Variants in RBFOX1 observed in about 807,000 individuals in gnomAD.
RBFOX1 encodes RNA binding protein fox-1 homolog 1.
In RBFOX1, 8 loss-of-function variants were observed where a neutral mutation model predicts 57.7. That is an observed-to-expected ratio of 0.14 (90% CI 0.08 to 0.25). RBFOX1 has a LOEUF of 0.25. RBFOX1 is among the 10% of genes least tolerant of loss of function. The pLI is 1.00. For missense variants in RBFOX1, 611 were observed against 548.5 expected (o/e 1.11, Z -1.14); for synonymous variants, 326 against 222.4 (o/e 1.47, Z -4.15).
At chr16:5,929,336 C>T (rs2059000639) in intron 4 of RBFOX1, among the ~76,000 whole-genome samples, 2 of 151,962 alleles carry the variant, frequency 1.3e-5, no homozygotes, top group South Asian at 4.2e-4. Context: ...CTCTCTCTCT[C>T]TTTCTCTGCC....
chr16:5,835,705 C>T (rs1418273562), intron 3 of RBFOX1, among the ~76,000 whole-genome samples: 1 of 152,244 alleles, frequency 6.6e-6, no homozygotes, highest in African/African-American at 2.4e-5. Context: ...CTGCCACCCC[C>T]ATAAAATGTG....
At chr16:6,419,050 A>G (rs1407576302) in intron 2 of RBFOX1, among the ~76,000 whole-genome samples, 1 of 152,224 alleles carries the variant, frequency 6.6e-6, no homozygotes, top group African/African-American at 2.4e-5. Context: ...CAGTCTTGAT[A>G]GCCTTTCACA....
At chr16:7,508,583 G>A (rs1291944285) in intron 4 of RBFOX1, among the ~76,000 whole-genome samples, 1 of 152,118 alleles carries the variant, frequency 6.6e-6, no homozygotes, top group East Asian at 1.9e-4. Flanking sequence ...ACTCTGTGAT[G>A]CATTGCAGAG....
intron 1 of RBFOX1, among the ~76,000 whole-genome samples, chr16:5,243,952 A>C (rs2151063403): frequency 6.6e-6 from 1 of 152,044 alleles, no homozygotes; most frequent in East Asian, 1.9e-4. Flanking sequence ...GCTGGAGTGC[A>C]GTGGCATGAT....
intron 1 of RBFOX1, among the ~76,000 whole-genome samples, chr16:6,285,479 C>G (rs1405268424): frequency 2.6e-5 from 4 of 152,134 alleles, no homozygotes; most frequent in Non-Finnish European, 5.9e-5. Flanking sequence ...CTACATATGG[C>G]AAAAGGTTTT....
Position 5,803,939 on chromosome 16 carries a change from C to T in RBFOX1, c.319-63364C>T, listed in dbSNP as rs2055144912. Among the ~76,000 whole-genome samples the T allele has an allele frequency of 1.3e-5, 2 of 152,182 alleles. 1 individual carries two copies. Among genetic ancestry groups the T allele is most frequent in the South Asian group, 4.1e-4 (2 of 4,824 alleles). ...CTCTGCCTGGAATTGTCTTGTCCAT[C>T]CCAATTCATGCCCTTCCCTACTTGT... On this transcript the variant is annotated intron_variant, in intron 3 of 19. Transcript: ENST00000641259.
intron 2 of RBFOX1, among the ~76,000 whole-genome samples, chr16:5,487,290 TC>T (rs1262187936): frequency 6.6e-6 from 1 of 152,214 alleles, no homozygotes; most frequent in African/African-American, 2.4e-5. Context: ...GTCTATTGTT[TC>T]TTGAGTTCGT....
At chr16:5,324,745 G>A (rs2004859) in intron 1 of RBFOX1, among the ~76,000 whole-genome samples, 2,338 of 152,274 alleles carry the variant, frequency 0.015, 26 homozygotes, top group Non-Finnish European at 0.023. Context: ...TTATAAGTGG[G>A]AGCTAAATGA....
intron 3 of RBFOX1, among the ~76,000 whole-genome samples, chr16:6,932,314 C>G (rs769002756): frequency 2.0e-5 from 3 of 152,088 alleles, no homozygotes; most frequent in Non-Finnish European, 4.4e-5. Flanking sequence ...ACCCTGTTGG[C>G]CAAGCTGGTC....
intron 3 of RBFOX1, among the ~76,000 whole-genome samples, chr16:6,830,686 G>T (rs950624817): frequency 1.3e-5 from 2 of 152,188 alleles, no homozygotes; most frequent in Non-Finnish European, 2.9e-5. Flanking sequence ...AATAGCAACA[G>T]TGTCTTGGTT....
At chr16:5,555,093 T>A (rs994043433) in intron 2 of RBFOX1, among the ~76,000 whole-genome samples, 2 of 152,182 alleles carry the variant, frequency 1.3e-5, no homozygotes, top group African/African-American at 4.8e-5. Context: ...GTTTGTGACA[T>A]GTGGGGCTCT....
chr16:7,423,111 GAGA>G (rs2098558513), intron 4 of RBFOX1: 2 of 151,614 alleles, frequency 1.3e-5, no homozygotes, highest in African/African-American at 2.4e-5. Context: ...GAGAGAGAGA[GAGA>G]GAGAGAGAGA....
At chr16:5,550,851 A>G (rs73522770) in intron 2 of RBFOX1, among the ~76,000 whole-genome samples, 3,977 of 152,300 alleles carry the variant, frequency 0.026, 191 homozygotes, top group African/African-American at 0.089. Flanking sequence ...TCTTTATACC[A>G]GGTGCACAGG....
intron 2 of RBFOX1, among the ~76,000 whole-genome samples, chr16:6,480,577 G>T (rs28662436): frequency 0.085 from 12,940 of 152,210 alleles, 645 homozygotes; most frequent in Middle Eastern, 0.12. Flanking sequence ...ACAGAGAATG[G>T]CTGAGTTTGA....
At chr16:7,699,864 G>C (rs956374380) in intron 14 of RBFOX1, among the ~76,000 whole-genome samples, 2 of 152,024 alleles carry the variant, frequency 1.3e-5, no homozygotes, top group Admixed American at 1.3e-4. Flanking sequence ...AATGAATATT[G>C]AAAGAGTTTG....
At chr16:7,661,783 G>A (rs577767695) in intron 12 of RBFOX1, among the ~76,000 whole-genome samples, 1 of 152,162 alleles carries the variant, frequency 6.6e-6, no homozygotes, top group African/African-American at 2.4e-5. Context: ...TTTTCACAAT[G>A]AGAAAGCTAC....
chr16:6,204,402 G>T (rs746479519), intron 1 of RBFOX1, among the ~76,000 whole-genome samples: 41 of 152,110 alleles, frequency 2.7e-4, no homozygotes, highest in Admixed American at 9.2e-4. Flanking sequence ...ATCCACCTTT[G>T]TTATGTTTTT....
chr16:6,557,516 G>A (rs984575927), intron 2 of RBFOX1, among the ~76,000 whole-genome samples: 5 of 134,354 alleles, frequency 3.7e-5, no homozygotes, highest in Non-Finnish European at 7.6e-5. Flanking sequence ...AGTAATATAT[G>A]GAATTACTAA....
chr16:7,062,243 G>A (rs2054547344), intron 4 of RBFOX1, among the ~76,000 whole-genome samples: 1 of 142,378 alleles, frequency 7.0e-6, no homozygotes, highest in Admixed American at 7.4e-5. Context: ...GCCGTGAACC[G>A]AGATCATGAG....
Sources: allele counts gnomAD v4.1 joint callset (sites outside exome capture counted in the v4.1 genomes callset), GRCh38; gene constraint gnomAD v4.1.1; transcripts MANE v1.5; gene names NCBI Gene and HGNC (gene_info 2026-07-23, HGNC 2026-07-21).